The following PPP2R5C variants were observed in gnomAD, a reference collection of about 807,000 sequenced individuals.
The protein encoded by PPP2R5C is protein phosphatase 2 regulatory subunit B'gamma, also known as serine/threonine-protein phosphatase 2A 56 kDa regulatory subunit gamma isoform.
PPP2R5C carries 7 observed loss-of-function variants against 68.9 expected under a neutral mutation model. The ratio of observed to expected loss-of-function variants is 0.10; its 90% CI spans 0.06 to 0.19. The LOEUF (loss-of-function observed/expected upper bound fraction) is 0.19. PPP2R5C is among the 10% of genes least tolerant of loss of function. The probability of loss-of-function intolerance (pLI) is 1.00; values close to 1 mark genes in which losing one functional copy is unlikely to be tolerated. For synonymous variants in PPP2R5C, 210 were observed against 222.2 expected, an observed-to-expected ratio of 0.95 and a Z score of 0.49; for missense variants, 348 against 641.3, an observed-to-expected ratio of 0.54 and a Z score of 4.94.
At chr14:101,919,814 C>G (rs969607288) in intron 13 of PPP2R5C, among the ~76,000 whole-genome samples, 20 of 151,950 alleles carry the variant, frequency 1.3e-4, no homozygotes, top group Non-Finnish European at 2.8e-4. Flanking sequence ...CTAAAAAATA[C>G]AAAAATTAGC....
chr14:101,919,969 CAAAAAAA>C (rs34641396), intron 13 of PPP2R5C, among the ~76,000 whole-genome samples: 7 of 52,880 alleles, frequency 1.3e-4, no homozygotes, highest in Non-Finnish European at 2.0e-4. Context: ...AACTCCGTCT[CAAAAAAA>C]AAAAAAAAAA....
At chr14:101,919,175 GT>G (rs2046873899) in intron 13 of PPP2R5C, among the ~76,000 whole-genome samples, 1 of 152,220 alleles carries the variant, frequency 6.6e-6, no homozygotes, top group Non-Finnish European at 1.5e-5. Context: ...ACGGCACCAA[GT>G]CCCCACGGCA....
intron 1 of PPP2R5C, among the ~76,000 whole-genome samples, chr14:101,828,743 T>G (rs752147866): frequency 5.3e-5 from 8 of 150,488 alleles, no homozygotes; most frequent in Non-Finnish European, 1.0e-4. Flanking sequence ...AGTGACACGA[T>G]CTCGGCTCAC....
Position 101,899,637 on chromosome 14 carries a change from CAT to C in PPP2R5C, c.853-2079_853-2078del, listed in dbSNP as rs1305776436. Among the ~76,000 whole-genome samples the C allele has an allele frequency of 1.3e-5, 2 of 152,214 alleles. No individual in the cohort carries two copies. Among genetic ancestry groups the C allele is most frequent in the African/African-American group, 4.8e-5 (2 of 41,442 alleles). On this transcript the variant is annotated intron_variant, in intron 8 of 13. Coordinates refer to ENST00000334743, the Ensembl canonical transcript of PPP2R5C. This position sits in a 1 kb window ranked among gnomAD's most constrained non-coding sequence, Gnocchi z 4.2. ...TTGTGTTGTATAGTTCACAAATTAA[CAT>C]ATTTCTCCTAATAAAATTCCATTTG...
At chr14:101,872,219 C>CTTTTTTTTTTTTTTTTTT in intron 2 of PPP2R5C, among the ~76,000 whole-genome samples, 1 of 91,196 alleles carries the variant, frequency 1.1e-5, no homozygotes, top group Non-Finnish European at 2.0e-5. Flanking sequence ...TTTCTTTTGC[C>CTTTTTTTTTTTTTTTTTT]TTTTTTTTTT....
chr14:101,830,947 A>G (rs757567163), intron 1 of PPP2R5C, among the ~76,000 whole-genome samples: 11 of 152,224 alleles, frequency 7.2e-5, no homozygotes, highest in Admixed American at 2.0e-4. Flanking sequence ...CAGCATTTGC[A>G]GGTATTGGAG....
At chr14:101,839,962 A>G (rs1263529395) in intron 1 of PPP2R5C, among the ~76,000 whole-genome samples, 1 of 149,924 alleles carries the variant, frequency 6.7e-6, no homozygotes, top group Non-Finnish European at 1.5e-5. Context: ...TTTTTTTTCT[A>G]TTTTACAGTG....
At chr14:101,799,933 C>T (rs1440031714) in intron 3 of PPP2R5C, among the ~76,000 whole-genome samples, 1 of 152,202 alleles carries the variant, frequency 6.6e-6, no homozygotes, top group Non-Finnish European at 1.5e-5. Context: ...AGGGATTCTC[C>T]CTGCAGTGAC....
At chr14:101,834,996 G>A (rs370076736) in intron 1 of PPP2R5C, among the ~76,000 whole-genome samples, 2 of 152,190 alleles carry the variant, frequency 1.3e-5, no homozygotes, top group African/African-American at 4.8e-5. Flanking sequence ...CAGTGGCTTG[G>A]AGAAGTGTTT....
upstream of PPP2R5C, among the ~76,000 whole-genome samples, chr14:101,806,587 A>C (rs2039088517): frequency 6.6e-6 from 1 of 152,108 alleles, no homozygotes; most frequent in Non-Finnish European, 1.5e-5. Flanking sequence ...TTTTTTAATC[A>C]ATTATAATAT....
intron 1 of PPP2R5C, among the ~76,000 whole-genome samples, chr14:101,831,410 A>G (rs1260309296): frequency 6.6e-6 from 1 of 152,230 alleles, no homozygotes; most frequent in East Asian, 1.9e-4. Flanking sequence ...TAGGAGGACT[A>G]GTTCAGCTTT....
chr14:101,905,493 C>T (rs776880167), intron 9 of PPP2R5C, among the ~76,000 whole-genome samples: 5 of 151,804 alleles, frequency 3.3e-5, no homozygotes, highest in Admixed American at 6.6e-5. Context: ...ACCCTGTCTC[C>T]ACTAAAAATA....
chr14:101,819,599 G>C (rs1206370377), intron 1 of PPP2R5C: 2 of 153,232 alleles, frequency 1.3e-5, no homozygotes, highest in African/African-American at 4.8e-5. Context: ...GTTTTTGTTT[G>C]GGTTTGTTTT....
chr14:101,892,980 A>G lies in PPP2R5C; in HGVS notation c.690-20A>G. 1 of 1,488,586 alleles carries G rather than the reference A, an allele frequency of 6.7e-7. No individual in the cohort carries two copies. Among genetic ancestry groups the G allele is most frequent in the Non-Finnish European group, 9.3e-7 (1 of 1,072,374 alleles). The allele number at this position is 1,488,586 out of a possible 1,614,324, so 92.2% of individuals were successfully genotyped here. On this transcript the variant is annotated intron_variant, in intron 6 of 13. Coordinates refer to ENST00000334743, the Ensembl canonical transcript of PPP2R5C. ...CTGGAATTCGTAAATGTTCAAACCTAATAAATGTTCTTTTTACAGTATAAT... is the reference window on the plus strand; with the variant it reads ...CTGGAATTCGTAAATGTTCAAACCTGATAAATGTTCTTTTTACAGTATAAT...
upstream of PPP2R5C, among the ~76,000 whole-genome samples, chr14:101,761,589 G>C (rs2036530893): frequency 7.3e-6 from 1 of 137,474 alleles, no homozygotes; most frequent in Admixed American, 7.0e-5. Flanking sequence ...GGGCGCGGGG[G>C]TGGGGCGAGC....
chr14:101,777,619 G>C (rs2037490669), intron 2 of PPP2R5C, among the ~76,000 whole-genome samples: 1 of 152,136 alleles, frequency 6.6e-6, no homozygotes, highest in African/African-American at 2.4e-5. Flanking sequence ...CAAGGTGCTG[G>C]GATTACAAGC....
chr14:101,907,827 G>A (rs1414083887), intron 10 of PPP2R5C, among the ~76,000 whole-genome samples: 2 of 152,170 alleles, frequency 1.3e-5, no homozygotes, highest in East Asian at 1.9e-4. Context: ...TTGTCCGCTC[G>A]AGGCTGCAGG....
intron 2 of PPP2R5C, among the ~76,000 whole-genome samples, chr14:101,777,100 C>T (rs543210975): frequency 6.6e-6 from 1 of 151,822 alleles, no homozygotes; most frequent in Non-Finnish European, 1.5e-5. Flanking sequence ...AGGATGGTCT[C>T]GAGCTCCTGA....
chr14:101,822,086 C>T (rs1321594895), intron 1 of PPP2R5C, among the ~76,000 whole-genome samples: 2 of 138,272 alleles, frequency 1.4e-5, no homozygotes, highest in Non-Finnish European at 3.1e-5. Context: ...CCTGCCCCCC[C>T]CCCACACACA....
Sources: allele counts gnomAD v4.1 joint callset (sites outside exome capture counted in the v4.1 genomes callset), GRCh38; gene constraint gnomAD v4.1.1; non-coding constraint Gnocchi (gnomAD v3.1); transcripts MANE v1.5; gene names NCBI Gene and HGNC (gene_info 2026-07-23, HGNC 2026-07-21).